Variants in CMIP observed in about 807,000 individuals in gnomAD.
The protein encoded by CMIP is c-Maf inducing protein.
In CMIP, 13 loss-of-function variants were observed where a neutral mutation model predicts 97.3. That is an observed-to-expected ratio of 0.13 (90% CI 0.09 to 0.21). The LOEUF is 0.21. CMIP is among the 10% of genes least tolerant of loss of function. The probability of loss-of-function intolerance (pLI) is 1.00; values close to 1 mark genes in which losing one functional copy is unlikely to be tolerated. For missense variants in CMIP, 847 were observed against 1,024.9 expected, an observed-to-expected ratio of 0.83 and a Z score of 2.37; for synonymous variants, 538 against 436.3, an observed-to-expected ratio of 1.23 and a Z score of -2.91.
At position 81,652,115 on chromosome 16, in the gene CMIP, C is replaced by T. The variant is rs1026094890; in HGVS notation, c.478-88C>T. ...TCAGTTTCTCAGGGCCCTTTACACCCTAACCCATCTGATTCTTTGATTGTC... is the reference window on the plus strand; with the variant it reads ...TCAGTTTCTCAGGGCCCTTTACACCTTAACCCATCTGATTCTTTGATTGTC... On this transcript the variant is annotated intron_variant, in intron 3 of 20. Transcript: ENST00000537098. This position sits in a 1 kb window ranked among gnomAD's most constrained non-coding sequence, Gnocchi z 5.2. 9 of 1,118,158 alleles carry T rather than the reference C, an allele frequency of 8.0e-6. No individual in the cohort carries two copies. Among genetic ancestry groups the T allele is most frequent in the Non-Finnish European group, 1.2e-5 (9 of 756,294 alleles). 69.3% of individuals were successfully genotyped at this position (1,118,158 alleles called of 1,614,324 possible). A position where few individuals can be genotyped will look rare whatever the true frequency, so the allele number is the denominator to read the frequency against.
intron 7 of CMIP, chr16:81,666,728 G>C (rs533962096): frequency 1.3e-5 from 2 of 152,162 alleles, no homozygotes; most frequent in Non-Finnish European, 2.9e-5. Context: ...CATGAGCGGC[G>C]GCGGCAGAGG....
chr16:81,705,316 C>A (rs1908006292), intron 18 of CMIP, among the ~76,000 whole-genome samples, 183 bp from the exon 19 acceptor site: 1 of 152,244 alleles, frequency 6.6e-6, no homozygotes, highest in African/African-American at 2.4e-5. Flanking sequence ...GGATTCTAAC[C>A]CGGTTCAGAG....
rs760195689 is a variant in CMIP, at chr16:81,655,405, C to G, written c.640-2370C>G. ...CGAGAAAGAACTGTCCGTCCACCAG[C>G]AAAGCAAAGCTGGCTGTCCCCACCC... On this transcript the variant is annotated intron_variant, in intron 4 of 20. Coordinates refer to ENST00000537098, the MANE Select transcript of CMIP (RefSeq NM_198390.3). This position sits in a 1 kb window ranked among gnomAD's most constrained non-coding sequence, Gnocchi z 4.9. 9.9e-5 allele frequency among the ~76,000 whole-genome samples: 15 copies of G among 152,158 alleles called. No individual in the cohort carries two copies. The highest frequency in any genetic ancestry group is 2.1e-4 in the Non-Finnish European group (14 of 68,036).
intron 1 of CMIP, among the ~76,000 whole-genome samples, chr16:81,575,864 C>G (rs1567589056): frequency 6.6e-6 from 1 of 152,170 alleles, no homozygotes; most frequent in African/African-American, 2.4e-5. Flanking sequence ...GGTTCTGGCT[C>G]TAAGTGTGGC....
At chr16:81,517,176 G>A (rs1000175428) in intron 1 of CMIP, among the ~76,000 whole-genome samples, 2 of 149,780 alleles carry the variant, frequency 1.3e-5, no homozygotes, top group African/African-American at 5.0e-5. Context: ...CGGCCTCCAA[G>A]GTCATCAGTG....
chr16:81,643,584 G>T (rs913962212), intron 3 of CMIP, among the ~76,000 whole-genome samples: 1 of 152,252 alleles, frequency 6.6e-6, no homozygotes, highest in South Asian at 2.1e-4. Context: ...GAGGTCAGGA[G>T]TTCGAGACCA....
intron 2 of CMIP, chr16:81,610,479 C>G: frequency 8.1e-6 from 8 of 985,930 alleles, no homozygotes; most frequent in Non-Finnish European, 8.4e-6. Context: ...CAGAGCCGGA[C>G]TCCGAGCTAA....
intron 5 of CMIP, among the ~76,000 whole-genome samples, chr16:81,658,897 A>T (rs2092514656): frequency 6.6e-6 from 1 of 152,216 alleles, no homozygotes; most frequent in South Asian, 2.1e-4. Context: ...GGACCCACTC[A>T]GTCGGCCCTG....
At position 81,627,519 on chromosome 16, in the gene CMIP, C is replaced by T. The variant is rs567426127; in HGVS notation, c.477+6593C>T. On this transcript the variant is annotated intron_variant, in intron 3 of 20. Coordinates refer to ENST00000537098, the MANE Select transcript of CMIP (RefSeq NM_198390.3). The surrounding 1 kb of genome is among the most constrained non-coding windows in gnomAD (Gnocchi z 4.6). Reference sequence around the variant, plus strand: ...CCCTGGCAGCCCCTTCCAGCCTCCACAGGTGGTCCCGGCTGACTCATGGCC... The same window carrying T: ...CCCTGGCAGCCCCTTCCAGCCTCCATAGGTGGTCCCGGCTGACTCATGGCC... Among the ~76,000 whole-genome samples the T allele has an allele frequency of 6.7e-6, 1 of 149,562 alleles. No individual in the cohort carries two copies. The highest frequency in any genetic ancestry group is 1.5e-5 in the Non-Finnish European group (1 of 67,358).
Position 81,502,886 on chromosome 16 carries a change from C to T in CMIP, c.300+57345C>T, listed in dbSNP as rs569495028. Among the ~76,000 whole-genome samples the T allele has an allele frequency of 5.3e-5, 8 of 152,296 alleles. No individual in the cohort carries two copies. In the East Asian group the frequency reaches 1.4e-3, roughly 26 times the overall value. ...GGGCAGAGCCAGTCCCCAGGCTGTG[C>T]GGAGCCACTGCTGTCCCTGCAATGC... On this transcript the variant is annotated intron_variant, in intron 1 of 20. Transcript: ENST00000537098.
chr16:81,543,323 C>T (rs748733380), intron 1 of CMIP, among the ~76,000 whole-genome samples: 21 of 152,208 alleles, frequency 1.4e-4, no homozygotes, highest in African/African-American at 4.8e-4. Flanking sequence ...ACACGGCAGC[C>T]GGAGAGCGCT....
intron 1 of CMIP, among the ~76,000 whole-genome samples, chr16:81,532,389 A>G (rs1007798908): frequency 4.6e-5 from 7 of 152,252 alleles, no homozygotes; most frequent in African/African-American, 1.7e-4. Flanking sequence ...ATTGACTATC[A>G]CTAATTTTGA....
intron 1 of CMIP, among the ~76,000 whole-genome samples, chr16:81,512,646 A>G (rs1276796310): frequency 1.3e-5 from 2 of 151,918 alleles, no homozygotes; most frequent in East Asian, 3.8e-4. Context: ...GTTTTTTTTT[A>G]AATATCAACA....
rs2091246874 is a variant in CMIP at position 81,578,827 on chromosome 16, T to A, written c.301-28740T>A. Among the ~76,000 whole-genome samples, 3 of 152,232 alleles carry A rather than the reference T, an allele frequency of 2.0e-5. No individual in the cohort carries two copies. In the South Asian group the frequency reaches 6.2e-4, roughly 31 times the overall value. On this transcript the variant is annotated intron_variant, in intron 1 of 20. Coordinates refer to ENST00000537098, the MANE Select transcript of CMIP (RefSeq NM_198390.3). Reference sequence around the variant, plus strand: ...TTCCATGGCAGATAAGCCCGTGCCATTGCAGGGAAGCCTTCACTCCAAAGC... The same window carrying A: ...TTCCATGGCAGATAAGCCCGTGCCAATGCAGGGAAGCCTTCACTCCAAAGC...
At chr16:81,460,757 G>C (rs1424822286) in intron 1 of CMIP, among the ~76,000 whole-genome samples, 1 of 152,150 alleles carries the variant, frequency 6.6e-6, no homozygotes. Context: ...GCATCATGCT[G>C]AACGTGGGAG....
At chr16:81,593,477 A>G in intron 1 of CMIP, among the ~76,000 whole-genome samples, 1 of 152,070 alleles carries the variant, frequency 6.6e-6, no homozygotes, top group Admixed American at 6.5e-5. Context: ...CCTGCTTGCC[A>G]TCCATCATGT....
At chr16:81,593,667 G>T (rs2091500618) in intron 1 of CMIP, among the ~76,000 whole-genome samples, 1 of 152,194 alleles carries the variant, frequency 6.6e-6, no homozygotes, top group African/African-American at 2.4e-5. Flanking sequence ...CGACCACCTG[G>T]CGCGTCTGGG....
chr16:81,623,004 A>G (rs2092013079), intron 3 of CMIP, among the ~76,000 whole-genome samples: 1 of 152,208 alleles, frequency 6.6e-6, no homozygotes, highest in Non-Finnish European at 1.5e-5. Flanking sequence ...GGAGTTCAAG[A>G]CCAGCCTGGG....
chr16:81,648,124 T>C (rs934304169), intron 3 of CMIP, among the ~76,000 whole-genome samples: 1 of 151,190 alleles, frequency 6.6e-6, no homozygotes, highest in Admixed American at 6.6e-5. Flanking sequence ...CTTGTCCTTG[T>C]GTCACCAAGC....
Sources: allele counts gnomAD v4.1 joint callset (sites outside exome capture counted in the v4.1 genomes callset), GRCh38; gene constraint gnomAD v4.1.1; non-coding constraint Gnocchi (gnomAD v3.1); transcripts MANE v1.5; gene names NCBI Gene and HGNC (gene_info 2026-07-23, HGNC 2026-07-21).